SORCS1: variants seen among roughly 807,000 people sequenced by gnomAD.
The protein encoded by SORCS1 is sortilin related VPS10 domain containing receptor 1, also known as VPS10 domain-containing receptor SorCS1.
A neutral mutation model predicts 146.1 loss-of-function variants in SORCS1; 60 were observed. The observed-to-expected ratio is 0.41, with a 90% CI of 0.33 to 0.51. The LOEUF (loss-of-function observed/expected upper bound fraction) is 0.51, where lower values mean the gene tolerates loss of function less well. Among genes scored for constraint, SORCS1 ranks in the 20% least tolerant of loss-of-function variants. The pLI is 0.21. For missense variants in SORCS1, 1,352 were observed against 1,487.6 expected (o/e 0.91, Z 1.50); for synonymous variants, 637 against 584.0 (o/e 1.09, Z -1.31).
At chr10:106,789,088 C>T (rs1281669849) in intron 3 of SORCS1, among the ~76,000 whole-genome samples, 1 of 152,218 alleles carries the variant, frequency 6.6e-6, no homozygotes, top group Non-Finnish European at 1.5e-5. Context: ...CCCTCCACAG[C>T]AATGGCCTGA....
chr10:107,129,605 A>G (rs1966848155), intron 1 of SORCS1, among the ~76,000 whole-genome samples: 1 of 152,070 alleles, frequency 6.6e-6, no homozygotes, highest in Non-Finnish European at 1.5e-5. Flanking sequence ...AATTTTACCC[A>G]CTCTTCCCAA....
At position 106,926,052 on chromosome 10, in the gene SORCS1, G is replaced by A. The variant is rs536404320; in HGVS notation, c.626+30461C>T. 8.6e-4 allele frequency among the ~76,000 whole-genome samples: 131 copies of A among 152,232 alleles called. 1 individual carries two copies. The highest frequency in any genetic ancestry group is 3.0e-3 in the African/African-American group (125 of 41,534). Reference sequence around the variant, plus strand: ...AATAATTTCCTAGATGGCAAATCACGAGGCTTATATCAAATATTATCCATC... The same window carrying A: ...AATAATTTCCTAGATGGCAAATCACAAGGCTTATATCAAATATTATCCATC... On this transcript the variant is annotated intron_variant, in intron 2 of 25. Coordinates refer to ENST00000263054, the MANE Select transcript of SORCS1 (RefSeq NM_052918.5).
At chr10:106,913,503 A>C (rs903598670) in intron 2 of SORCS1, among the ~76,000 whole-genome samples, 1 of 152,214 alleles carries the variant, frequency 6.6e-6, no homozygotes, top group South Asian at 2.1e-4. Context: ...TATGCTGGCT[A>C]TTGGGGATTC....
intron 1 of SORCS1, among the ~76,000 whole-genome samples, chr10:107,145,373 C>A (rs955058836): frequency 2.0e-5 from 3 of 152,156 alleles, no homozygotes; most frequent in African/African-American, 7.2e-5. Context: ...TCAGTCATCC[C>A]AGACTGGCAG....
At chr10:107,123,201 A>G (rs1427447859) in intron 1 of SORCS1, among the ~76,000 whole-genome samples, 1 of 152,184 alleles carries the variant, frequency 6.6e-6, no homozygotes, top group Non-Finnish European at 1.5e-5. Flanking sequence ...ATTCTCAATG[A>G]TGTTGCATCT....
intron 3 of SORCS1, among the ~76,000 whole-genome samples, chr10:106,824,876 A>C (rs11193065): frequency 0.045 from 6,829 of 152,220 alleles, 366 homozygotes; most frequent in East Asian, 0.23. Flanking sequence ...GGAATGATGT[A>C]AATTAAGTGG....
At chr10:106,823,072 C>T (rs1050323632) in intron 3 of SORCS1, among the ~76,000 whole-genome samples, 2 of 152,062 alleles carry the variant, frequency 1.3e-5, no homozygotes, top group African/African-American at 4.8e-5. Context: ...TGTAAGCCAC[C>T]GCACCTGGAC....
intron 18 of SORCS1, among the ~76,000 whole-genome samples, chr10:106,635,991 T>A (rs1589530288): frequency 6.6e-6 from 1 of 151,142 alleles, no homozygotes. Context: ...CGACAAGGAG[T>A]GGAAAAGGAA....
At position 106,828,857 on chromosome 10, in the gene SORCS1, A is replaced by G. The variant is rs146277041; in HGVS notation, c.726+717T>C. Among the ~76,000 whole-genome samples, 538 of 152,202 alleles carry G rather than the reference A, an allele frequency of 3.5e-3. 3 individuals are homozygous for G. The highest frequency in any genetic ancestry group is 0.013 in the African/African-American group (527 of 41,588). On this transcript the variant is annotated intron_variant, in intron 3 of 25. Transcript: ENST00000263054. Reference sequence around the variant, plus strand: ...GCTCTCATAATAGGAGATGTATGACATAGTGGAAAAAGTATGACTGCTAAC... The same window carrying G: ...GCTCTCATAATAGGAGATGTATGACGTAGTGGAAAAAGTATGACTGCTAAC...
At chr10:106,903,034 C>T (rs552113098) in intron 2 of SORCS1, among the ~76,000 whole-genome samples, 5 of 152,266 alleles carry the variant, frequency 3.3e-5, no homozygotes, top group South Asian at 4.1e-4. Flanking sequence ...ATGGAGATCA[C>T]GCCACTGCAC....
At chr10:106,651,278 G>A (rs943144849) in intron 18 of SORCS1, among the ~76,000 whole-genome samples, 3 of 152,112 alleles carry the variant, frequency 2.0e-5, no homozygotes, top group African/African-American at 7.2e-5. Context: ...AATCATAATT[G>A]CTTCATCTTT....
At chr10:106,995,230 C>T (rs577667946) in intron 1 of SORCS1, among the ~76,000 whole-genome samples, 88 of 151,092 alleles carry the variant, frequency 5.8e-4, no homozygotes, top group Non-Finnish European at 9.7e-4. Context: ...AGGAGAATGG[C>T]GTGAACCTGG....
intron 1 of SORCS1, among the ~76,000 whole-genome samples, chr10:107,134,016 C>A (rs1004805733): frequency 3.3e-5 from 5 of 152,188 alleles, no homozygotes; most frequent in Admixed American, 2.0e-4. Flanking sequence ...AGTCAGAATT[C>A]TCTCCCTATG....
chr10:106,683,011 G>T (rs549541175), intron 10 of SORCS1, among the ~76,000 whole-genome samples: 1 of 152,262 alleles, frequency 6.6e-6, no homozygotes, highest in Admixed American at 6.5e-5. Context: ...TAGACTGTTA[G>T]TCTGTAATCT....
At chr10:106,804,833 A>T (rs537445059) in intron 3 of SORCS1, among the ~76,000 whole-genome samples, 1 of 152,290 alleles carries the variant, frequency 6.6e-6, no homozygotes, top group East Asian at 1.9e-4. Context: ...CAAAAAGAAT[A>T]TCATTGTTTC....
chr10:106,998,890 C>G (rs899946421), intron 1 of SORCS1, among the ~76,000 whole-genome samples: 1 of 152,164 alleles, frequency 6.6e-6, no homozygotes, highest in Admixed American at 6.5e-5. Context: ...ACTGCAAAGA[C>G]AAGAAATGAG....
intron 6 of SORCS1, among the ~76,000 whole-genome samples, chr10:106,712,274 G>A (rs1855051311): frequency 6.6e-6 from 1 of 152,172 alleles, no homozygotes; most frequent in African/African-American, 2.4e-5. Context: ...TAAGGAAGAA[G>A]AGCTGGTCAA....
intron 1 of SORCS1, among the ~76,000 whole-genome samples, chr10:107,148,093 G>T (rs1968486059): frequency 6.6e-6 from 1 of 152,194 alleles, no homozygotes; most frequent in Admixed American, 6.5e-5. Flanking sequence ...GAAAATAAAT[G>T]ATCCACTTTG....
rs12413398 is a variant in SORCS1 at position 106,991,795 on chromosome 10, A to G, written c.559-35215T>C. Among the ~76,000 whole-genome samples the G allele has an allele frequency of 1.6e-3, 239 of 152,350 alleles. 5 individuals carry two copies. Among genetic ancestry groups the G allele is most frequent in the Admixed American group, 0.015 (223 of 15,292 alleles). On this transcript the variant is annotated intron_variant, in intron 1 of 25. Coordinates refer to ENST00000263054, the MANE Select transcript of SORCS1 (RefSeq NM_052918.5). ...AAAGACAGACAAGGAAAGAGGAGAG[A>G]CAAGAAGAGGGAGGATGAAGTTGAG...
Sources: gnomAD v4.1 joint callset for allele counts (sites outside exome capture counted in the v4.1 genomes callset) on GRCh38, gnomAD v4.1.1 for gene constraint, MANE v1.5 for transcripts, NCBI Gene and HGNC (gene_info 2026-07-23, HGNC 2026-07-21) for gene names.